Variants in MACF1 observed in about 807,000 individuals in gnomAD.
MACF1 encodes microtubule-actin cross-linking factor 1.
A neutral mutation model predicts 854.8 loss-of-function variants in MACF1; 193 were observed. The observed-to-expected ratio is 0.23, with a 90% confidence interval of 0.20 to 0.25. The LOEUF (loss-of-function observed/expected upper bound fraction) is 0.25. Among genes scored for constraint, MACF1 ranks in the 10% least tolerant of loss-of-function variants. The pLI is 1.00. For synonymous variants in MACF1, 3,185 were observed against 3,226.7 expected (o/e 0.99, Z 0.44); for missense variants, 7,722 against 8,929.1 (o/e 0.86, Z 5.45).
chr1:39,412,276 G>GTGTT (rs758490422), intron 58 of MACF1: 1 of 1,613,940 alleles, frequency 6.2e-7, no homozygotes, highest in East Asian at 2.2e-5. Flanking sequence ...TGAAGTAGAG[G>GTGTT]TGTTATATGA....
At chr1:39,134,657 GT>G (rs1222887389) in intron 2 of MACF1, among the ~76,000 whole-genome samples, 3 of 152,066 alleles carry the variant, frequency 2.0e-5, no homozygotes, top group Non-Finnish European at 4.4e-5. Context: ...ATCTTGCAGG[GT>G]TTTTGTAAAG....
At chr1:39,174,569 T>G (rs1643999654) in intron 2 of MACF1, among the ~76,000 whole-genome samples, 1 of 152,172 alleles carries the variant, frequency 6.6e-6, no homozygotes, top group Admixed American at 6.5e-5. Context: ...AAAGATTTAT[T>G]CTCTGTGTGG....
intron 41 of MACF1, among the ~76,000 whole-genome samples, chr1:39,348,604 G>A (rs1203849364): frequency 6.6e-6 from 1 of 152,088 alleles, no homozygotes; most frequent in Non-Finnish European, 1.5e-5. Flanking sequence ...CCTTCTATTT[G>A]TCCTAAAGAG....
At chr1:39,210,586 G>A (rs1024897606) in intron 1 of MACF1, among the ~76,000 whole-genome samples, 3 of 152,036 alleles carry the variant, frequency 2.0e-5, no homozygotes, top group African/African-American at 7.2e-5. Context: ...GAAGATCTAG[G>A]CTCTAAGCTC....
chr1:39,268,770 C>G (rs1414572340), intron 6 of MACF1: 1 of 1,289,610 alleles, frequency 7.8e-7, no homozygotes, highest in East Asian at 5.6e-5. Context: ...TCCCATATCT[C>G]CTAAGAAAAG....
chr1:39,296,784 GAAAGA>G, intron 20 of MACF1, among the ~76,000 whole-genome samples: 1 of 71,586 alleles, frequency 1.4e-5, no homozygotes, highest in South Asian at 4.6e-4. Context: ...AAGAAAGAAA[GAAAGA>G]AAGGAAGGAA....
chr1:39,421,116 C>T (rs770588200), intron 58 of MACF1, among the ~76,000 whole-genome samples: 1 of 152,138 alleles, frequency 6.6e-6, no homozygotes, highest in African/African-American at 2.4e-5. Flanking sequence ...TTGCCCGCCT[C>T]GGCCTCCCAA....
At chr1:39,449,859 G>A (rs1202912667) in intron 84 of MACF1, among the ~76,000 whole-genome samples, 4 of 149,726 alleles carry the variant, frequency 2.7e-5, no homozygotes, top group Non-Finnish European at 6.0e-5. Context: ...CCTGGTTAAT[G>A]TTTTTTGTTT....
chr1:39,476,091 C>G (rs2124185267), intron 97 of MACF1, among the ~76,000 whole-genome samples: 1 of 152,298 alleles, frequency 6.6e-6, no homozygotes, highest in Middle Eastern at 3.4e-3. Flanking sequence ...TGTACTCATG[C>G]TCATAGCACA....
rs745966647 is a variant in MACF1 at position 39,368,142 on chromosome 1, T to G, written c.12772-6T>G. 1.5e-5 allele frequency: 24 copies of G among 1,613,570 alleles called. No individual in the cohort carries two copies. In the South Asian group the frequency reaches 2.5e-4, roughly 17 times the overall value. The stretch of plus-strand genomic sequence containing the variant: ...GATTTAATACATTTCCTTGTTTGCT[T>G]GACAGGAGCTCAATTTGGAAATGGA... On this transcript the variant is annotated splice_region_variant and splice_polypyrimidine_tract_variant and intron_variant, in intron 49 of 100. Transcript: ENST00000564288.
chr1:39,430,022 A>G lies in MACF1; in HGVS notation c.17084A>G (p.Gln5695Arg). The G allele has an allele frequency of 1.2e-6, 2 of 1,613,890 alleles. No individual in the cohort carries two copies. Among genetic ancestry groups the G allele is most frequent in the Non-Finnish European group, 1.7e-6 (2 of 1,179,872 alleles). Residue 5695 changes from glutamine to arginine, a missense_variant, in exon 65 of 101, where the codon CAG becomes CGG. This residue lies in a region of MACF1 where 2,807 missense variants were observed against 3,235.8 expected (regional missense o/e 0.87). Coordinates refer to ENST00000564288, the MANE Select transcript of MACF1 (RefSeq NM_001394062.1). ...GAGGAGCTGGCAACCAGTGGAGGAC[A>G]GTCTCCCACAGGGGAACAGATACCC... The part of the protein sequence containing the change: ...VEEELATSGG[Q>R]SPTGEQIPQF...
At chr1:39,483,243 T>G (rs1178530979) in intron 99 of MACF1, among the ~76,000 whole-genome samples, 1 of 152,104 alleles carries the variant, frequency 6.6e-6, no homozygotes, top group African/African-American at 2.4e-5. Context: ...CTTTTCCAGT[T>G]TGGGAAATGC....
intron 2 of MACF1, among the ~76,000 whole-genome samples, chr1:39,243,666 G>A (rs1644949767): frequency 6.6e-6 from 1 of 152,168 alleles, no homozygotes; most frequent in Non-Finnish European, 1.5e-5. Context: ...GCCTCCCAAA[G>A]TGCTGCAATA....
intron 2 of MACF1, 129 bp downstream of exon 2, chr1:39,231,372 TTTCTTTTCTC>T (rs1644775652): frequency 2.4e-6 from 2 of 825,300 alleles, no homozygotes; most frequent in Middle Eastern, 4.6e-4. Flanking sequence ...ACATGTGACT[TTTCTTTTCTC>T]TTCTTTTCTT....
intron 2 of MACF1, among the ~76,000 whole-genome samples, chr1:39,231,823 G>A (rs1330811888): frequency 1.3e-5 from 2 of 151,904 alleles, no homozygotes; most frequent in South Asian, 2.1e-4. Flanking sequence ...AGGATTACAG[G>A]CGTGAGCCAC....
intron 49 of MACF1, among the ~76,000 whole-genome samples, chr1:39,363,964 A>G (rs905033018): frequency 2.0e-5 from 3 of 152,164 alleles, no homozygotes; most frequent in Admixed American, 2.0e-4. Context: ...AAATTGTGCT[A>G]TTACTACTGA....
At chr1:39,288,450 ATT>A (rs1645694791) in intron 15 of MACF1, among the ~76,000 whole-genome samples, 1 of 149,608 alleles carries the variant, frequency 6.7e-6, no homozygotes, top group Non-Finnish European at 1.5e-5. Context: ...GTGAGCTGAG[ATT>A]GTGCCACTGC....
At chr1:39,159,557 A>G (rs1643756135) in intron 2 of MACF1, among the ~76,000 whole-genome samples, 1 of 152,170 alleles carries the variant, frequency 6.6e-6, no homozygotes, top group Admixed American at 6.5e-5. Context: ...AATGACTTTG[A>G]AAGAGGAAGC....
chr1:39,461,791 CAAAAAAAAAA>C lies in MACF1; in HGVS notation c.21524-74_21524-65del, dbSNP rs59393084. The C allele has an allele frequency of 3.3e-4, 117 of 350,920 alleles. 1 individual carries two copies. Among genetic ancestry groups the C allele is most frequent in the South Asian group, 2.0e-3 (69 of 34,182 alleles). The allele number at this position is 350,920 out of a possible 1,614,324, so 21.7% of individuals were successfully genotyped here. ...TGGGCGACAGAGCAAGACCTTGTCT[CAAAAAAAAAA>C]AAAAAAAAAAAAAAAAATCTATAAC... On this transcript the variant is annotated intron_variant, in intron 92 of 100. Coordinates refer to ENST00000564288, the MANE Select transcript of MACF1 (RefSeq NM_001394062.1).
Sources: gnomAD v4.1 joint callset for allele counts (sites outside exome capture counted in the v4.1 genomes callset) on GRCh38, gnomAD v4.1.1 for gene constraint, gnomAD v4.1.1 regional missense constraint, MANE v1.5 for transcripts, NCBI Gene and HGNC (gene_info 2026-07-23, HGNC 2026-07-21) for gene names.